ZNF280D: variants seen among roughly 807,000 people sequenced by gnomAD.
The protein encoded by ZNF280D is suppressor of hairy wing homolog 4.
A neutral mutation model predicts 94.7 loss-of-function variants in ZNF280D; 39 were observed. That is an observed-to-expected ratio of 0.41 (90% CI 0.32 to 0.54). The LOEUF is 0.54. Among genes scored for constraint, ZNF280D ranks in the 20% least tolerant of loss-of-function variants. The probability of loss-of-function intolerance (pLI) is 0.22; values close to 1 mark genes in which losing one functional copy is unlikely to be tolerated. For missense variants in ZNF280D, 1,090 were observed against 1,149.3 expected (o/e 0.95, Z 0.75); for synonymous variants, 398 against 377.6 (o/e 1.05, Z -0.63).
intron 1 of ZNF280D, among the ~76,000 whole-genome samples, chr15:56,731,040 T>G (rs553837927): frequency 6.6e-6 from 1 of 152,304 alleles, no homozygotes; most frequent in South Asian, 2.1e-4. Flanking sequence ...TATGAAGTAT[T>G]CCTGTCAAAA....
At chr15:56,699,061 A>C (rs1161511362) in intron 6 of ZNF280D, 7 of 149,924 alleles carry the variant, frequency 4.7e-5, no homozygotes, top group African/African-American at 1.5e-4. Context: ...TAAGCTGTGT[A>C]AGTTTGTGGT....
intron 9 of ZNF280D, among the ~76,000 whole-genome samples, chr15:56,685,341 A>AAAAAAC (rs1555412855): frequency 2.0e-5 from 3 of 150,438 alleles, no homozygotes; most frequent in Middle Eastern, 3.4e-3. Flanking sequence ...CATAAGGTAA[A>AAAAAAC]AAAACAAAAC....
intron 1 of ZNF280D, among the ~76,000 whole-genome samples, chr15:56,720,970 TGG>T (rs58898538): frequency 1.0e-3 from 27 of 26,574 alleles, no homozygotes; most frequent in African/African-American, 1.3e-3. Flanking sequence ...GCATTTTTTT[TGG>T]GGGGGGGGGG....
At position 56,658,559 on chromosome 15, in the gene ZNF280D, TC is replaced by T. The variant is rs1283284595; in HGVS notation, c.1995-74del. 15 of 1,064,812 alleles carry T rather than the reference TC, an allele frequency of 1.4e-5. 1 individual carries two copies. The highest frequency in any genetic ancestry group is 5.1e-4 in the Middle Eastern group (2 of 3,902). 66.0% of individuals were successfully genotyped at this position (1,064,812 alleles called of 1,614,324 possible). A position where few individuals can be genotyped will look rare whatever the true frequency, so the allele number is the denominator to read the frequency against. On this transcript the variant is annotated intron_variant, in intron 16 of 21. Transcript: ENST00000267807. Reference sequence around the variant, plus strand: ...CATTAATTTATAACTATATTTCAAGTCCATACTTAAGTTTCTAGTTTGTAAT... The same window carrying T: ...CATTAATTTATAACTATATTTCAAGTCATACTTAAGTTTCTAGTTTGTAAT...
Position 56,724,624 on chromosome 15 carries a change from T to C in ZNF280D, c.-86+8834A>G, listed in dbSNP as rs1234106201. On this transcript the variant is annotated intron_variant, in intron 1 of 21. Transcript: ENST00000267807. ...TCCAATGAATAAAATGAACTTTTTC[T>C]AAGACTTGATTTCCTCATCTGTAAA... 2.0e-5 allele frequency among the ~76,000 whole-genome samples: 3 copies of C among 152,250 alleles called. No homozygotes were observed. In the East Asian group the frequency reaches 5.8e-4, roughly 29 times the overall value.
chr15:56,704,261 G>T lies in ZNF280D; in HGVS notation c.35C>A (p.Ser12Ter). ...TTCCATAAACAGTTCTGCCATTTTTGAATTACCTAATTTTCAAAAGGAGAG... is the reference window on the plus strand; with the variant it reads ...TTCCATAAACAGTTCTGCCATTTTTTAATTACCTAATTTTCAAAAGGAGAG... ...GDNPFQPKSN[S>*]KMAELFMECE... The change falls in exon 4 of 22, where the codon TCA becomes TAA. Residue 12 changes from serine to a stop codon, truncating the protein, a stop_gained. Transcript: ENST00000267807. LOFTEE classifies it high-confidence loss of function. 1 of 1,601,636 alleles carries T rather than the reference G, an allele frequency of 6.2e-7. No homozygotes were observed. Among genetic ancestry groups the T allele is most frequent in the Non-Finnish European group, 8.5e-7 (1 of 1,176,618 alleles).
intron 7 of ZNF280D, among the ~76,000 whole-genome samples, chr15:56,690,979 A>G (rs1171841706): frequency 6.6e-6 from 1 of 152,162 alleles, no homozygotes; most frequent in Non-Finnish European, 1.5e-5. Flanking sequence ...ATGTTAGCTT[A>G]ATTTCTCTAA....
chr15:56,712,558 C>A (rs1293237636), intron 1 of ZNF280D, among the ~76,000 whole-genome samples: 5 of 114,884 alleles, frequency 4.4e-5, no homozygotes, highest in Non-Finnish European at 6.5e-5. Flanking sequence ...TGGGCCACTG[C>A]ACTCCAGCCT....
chr15:56,708,075 G>A (rs141717157), intron 1 of ZNF280D, among the ~76,000 whole-genome samples: 11 of 151,978 alleles, frequency 7.2e-5, no homozygotes, highest in South Asian at 2.1e-4. Context: ...AGCAAAAAAC[G>A]TCAACAATTA....
intron 13 of ZNF280D, among the ~76,000 whole-genome samples, chr15:56,674,479 T>C (rs1353297549): frequency 6.6e-6 from 1 of 152,100 alleles, no homozygotes; most frequent in Non-Finnish European, 1.5e-5. Context: ...TAATTCTTAC[T>C]ATATGTAATT....
Position 56,689,158 on chromosome 15 carries a change from A to T in ZNF280D, c.671-8T>A. 6.3e-7 allele frequency: 1 copy of T among 1,598,992 alleles called. No homozygotes were observed. The highest frequency in any genetic ancestry group is 1.1e-5 in the South Asian group (1 of 87,794). On this transcript the variant is annotated splice_region_variant and splice_polypyrimidine_tract_variant and intron_variant, in intron 8 of 21. Coordinates refer to ENST00000267807, the MANE Select transcript of ZNF280D (RefSeq NM_017661.4). ...TTGATGAGGTATTTGTACCTAAAATAAATTCAGAACATTTATGACTCAAAA... is the reference window on the plus strand; with the variant it reads ...TTGATGAGGTATTTGTACCTAAAATTAATTCAGAACATTTATGACTCAAAA...
At chr15:56,639,502 A>G (rs2052521331) in intron 20 of ZNF280D, among the ~76,000 whole-genome samples, 1 of 152,184 alleles carries the variant, frequency 6.6e-6, no homozygotes, top group African/African-American at 2.4e-5. Flanking sequence ...TGAACATATC[A>G]TGCGATTTCA....
chr15:56,712,174 G>C (rs2057792926), intron 1 of ZNF280D, among the ~76,000 whole-genome samples: 1 of 151,922 alleles, frequency 6.6e-6, no homozygotes, highest in Non-Finnish European at 1.5e-5. Context: ...TTTTAAAAAA[G>C]CATTTCTAAA....
rs1320987660 is a variant in ZNF280D at position 56,733,450 on chromosome 15, G to A, written c.-86+8C>T. On this transcript the variant is annotated splice_region_variant and intron_variant, in intron 1 of 21. Coordinates refer to ENST00000267807, the MANE Select transcript of ZNF280D (RefSeq NM_017661.4). ...GCGCAGGGCGGGCGGGGGCGGGGGG[G>A]CGCTTACCGTGAGCGGAGCGGATCG... 2.8e-6 allele frequency: 3 copies of A among 1,064,338 alleles called. No homozygotes were observed. The highest frequency in any genetic ancestry group is 1.1e-4 in the East Asian group (1 of 9,500). 65.9% of individuals were successfully genotyped at this position (1,064,338 alleles called of 1,614,324 possible).
In ZNF280D at chr15:56,706,019, C is replaced by T. The variant is rs1217108041; in HGVS notation, c.28+1063G>A. Among the ~76,000 whole-genome samples, 5 of 147,522 alleles carry T rather than the reference C, an allele frequency of 3.4e-5. No individual in the cohort carries two copies. The Admixed American group carries it at 3.5e-4, about 10-fold the overall frequency. ...CATATGTTTAAGACCTAACCCTCAC[C>T]ACCATAGAATGTGACTATATTTAGA... On this transcript the variant is annotated intron_variant, in intron 3 of 21. Transcript: ENST00000267807.
intron 21 of ZNF280D, 88 bp from the exon 22 acceptor site, chr15:56,632,210 A>G: frequency 7.2e-6 from 9 of 1,251,512 alleles, no homozygotes; most frequent in Non-Finnish European, 2.1e-6. Context: ...TAAAAAATAA[A>G]AAGTCAAGGT....
intron 1 of ZNF280D, among the ~76,000 whole-genome samples, chr15:56,721,698 G>C (rs1391191317): frequency 6.6e-6 from 1 of 152,206 alleles, no homozygotes; most frequent in Non-Finnish European, 1.5e-5. Context: ...GATCTGAAGA[G>C]AGTAGGGTCT....
intron 13 of ZNF280D, among the ~76,000 whole-genome samples, chr15:56,673,553 G>A (rs72744962): frequency 0.045 from 6,799 of 151,966 alleles, 223 homozygotes; most frequent in South Asian, 0.15. Flanking sequence ...TCTTCTCTAT[G>A]GACTTTTCTT....
intron 7 of ZNF280D, among the ~76,000 whole-genome samples, chr15:56,690,148 T>C (rs1356387120): frequency 3.9e-5 from 6 of 152,100 alleles, no homozygotes; most frequent in African/African-American, 9.7e-5. Context: ...TTTGGGAGGC[T>C]GAGGCAGACA....
Sources: gnomAD v4.1 joint callset for allele counts (sites outside exome capture counted in the v4.1 genomes callset) on GRCh38, gnomAD v4.1.1 for gene constraint, MANE v1.5 for transcripts, NCBI Gene and HGNC (gene_info 2026-07-23, HGNC 2026-07-21) for gene names.